The following TAFA5 variants were observed in gnomAD, a reference collection of about 807,000 sequenced individuals.
The protein encoded by TAFA5 is TAFA chemokine like family member 5.
In TAFA5, 6 loss-of-function variants were observed where a neutral mutation model predicts 15.3. The ratio of observed to expected loss-of-function variants is 0.39; its 90% confidence interval spans 0.21 to 0.77. TAFA5 has a LOEUF of 0.77. Ranked by LOEUF, TAFA5 falls within the 30% of genes least tolerant of loss-of-function variation. TAFA5 has a pLI of 0.41. For synonymous variants in TAFA5, 103 were observed against 80.7 expected (o/e 1.28, Z -1.48); for missense variants, 161 against 193.1 (o/e 0.83, Z 0.98).
At chr22:48,492,469 TGGG>T (rs1222349958) in intron 1 of TAFA5, among the ~76,000 whole-genome samples, 10 of 152,208 alleles carry the variant, frequency 6.6e-5, no homozygotes. Context: ...GGTTTTCTGT[TGGG>T]GGGATTCTAC....
At chr22:48,738,166 G>C (rs1013322394) in intron 3 of TAFA5, among the ~76,000 whole-genome samples, 11 of 152,216 alleles carry the variant, frequency 7.2e-5, no homozygotes, top group African/African-American at 2.7e-4. Context: ...GGCAGTGCCT[G>C]CAGAACTGGG....
intron 2 of TAFA5, among the ~76,000 whole-genome samples, chr22:48,676,327 C>A (rs753487473): frequency 4.6e-5 from 7 of 152,192 alleles, no homozygotes; most frequent in Non-Finnish European, 8.8e-5. Flanking sequence ...CCAGGTGAGC[C>A]TTTGAGGGAG....
intron 1 of TAFA5, among the ~76,000 whole-genome samples, chr22:48,575,019 T>G (rs575544513): frequency 6.6e-6 from 1 of 151,806 alleles, no homozygotes; most frequent in Non-Finnish European, 1.5e-5. Flanking sequence ...TGTGAGTGTG[T>G]TTGTGTGTGT....
At chr22:48,604,308 C>T (rs1236992019) in intron 1 of TAFA5, among the ~76,000 whole-genome samples, 1 of 152,178 alleles carries the variant, frequency 6.6e-6, no homozygotes, top group Non-Finnish European at 1.5e-5. Flanking sequence ...CCTTCAGTGC[C>T]CTGGAGTCAT....
At chr22:48,563,659 G>A (rs999179885) in intron 1 of TAFA5, among the ~76,000 whole-genome samples, 3 of 152,178 alleles carry the variant, frequency 2.0e-5, no homozygotes, top group Admixed American at 6.5e-5. Flanking sequence ...CCAACAGGCT[G>A]GGGCATGGCC....
intron 3 of TAFA5, among the ~76,000 whole-genome samples, chr22:48,708,243 G>A (rs964352615): frequency 3.3e-5 from 5 of 152,280 alleles, no homozygotes; most frequent in Admixed American, 2.6e-4. Flanking sequence ...CCCAGGGCAC[G>A]GCGGGGGTTC....
intron 3 of TAFA5, among the ~76,000 whole-genome samples, chr22:48,726,754 C>A (rs1489446510): frequency 6.6e-6 from 1 of 152,228 alleles, no homozygotes; most frequent in Non-Finnish European, 1.5e-5. Context: ...AAATCACAAC[C>A]ACATGCAAAA....
At chr22:48,697,427 GGAA>G (rs1450040111) in intron 2 of TAFA5, among the ~76,000 whole-genome samples, 1 of 149,620 alleles carries the variant, frequency 6.7e-6, no homozygotes, top group African/African-American at 2.5e-5. Context: ...ACAAGGATGA[GGAA>G]GATGATGATG....
chr22:48,639,306 C>A (rs867046509), intron 1 of TAFA5, among the ~76,000 whole-genome samples: 17 of 152,370 alleles, frequency 1.1e-4, no homozygotes, highest in African/African-American at 4.1e-4. Flanking sequence ...CCCTCAGCTG[C>A]ACCTTGTTTT....
intron 1 of TAFA5, among the ~76,000 whole-genome samples, chr22:48,508,661 A>G (rs1041336031): frequency 6.6e-6 from 1 of 152,090 alleles, no homozygotes; most frequent in Admixed American, 6.5e-5. Context: ...CCCACAGCTG[A>G]TATTTTTCTC....
intron 2 of TAFA5, among the ~76,000 whole-genome samples, chr22:48,648,752 C>T (rs1461947750): frequency 2.0e-5 from 3 of 152,072 alleles, no homozygotes; most frequent in Admixed American, 1.3e-4. Context: ...TGTTTGAACC[C>T]GGGAGGCGGA....
At chr22:48,705,792 C>T (rs1409147589) in intron 2 of TAFA5, among the ~76,000 whole-genome samples, 1 of 152,252 alleles carries the variant, frequency 6.6e-6, no homozygotes, top group Non-Finnish European at 1.5e-5. Context: ...CACATGTGTG[C>T]ACACACGTGC....
chr22:48,539,592 G>A (rs534842232), intron 1 of TAFA5: 5 of 425,148 alleles, frequency 1.2e-5, no homozygotes, highest in Admixed American at 2.5e-5. Context: ...GGTGGAAATC[G>A]GGAAGGACGA....
rs1923185928 is a variant in TAFA5, at chr22:48,560,332, T to A, written c.112+70628T>A. ...CCACTGCACTGGTGTGGCCCTGGCA[T>A]TCATATGGCCCCAGCAGGCCCCCCA... On this transcript the variant is annotated intron_variant, in intron 1 of 3. Coordinates refer to ENST00000402357, the MANE Select transcript of TAFA5 (RefSeq NM_001082967.3). This position sits in a 1 kb window ranked among gnomAD's most constrained non-coding sequence, Gnocchi z 4.2. Among the ~76,000 whole-genome samples the A allele has an allele frequency of 6.6e-6, 1 of 152,176 alleles. No individual in the cohort carries two copies. Among genetic ancestry groups the A allele is most frequent in the Non-Finnish European group, 1.5e-5 (1 of 68,024 alleles).
At position 48,621,407 on chromosome 22, in the gene TAFA5, A is replaced by G. The variant is rs527741256; in HGVS notation, c.113-25190A>G. The stretch of plus-strand genomic sequence containing the variant: ...CATTCTTGTGTTGGGTGCTCCATCC[A>G]TGGCATCAGCAGATATGCCCAGGGC... On this transcript the variant is annotated intron_variant, in intron 1 of 3. Transcript: ENST00000402357. Among the ~76,000 whole-genome samples, 370 of 151,812 alleles carry G rather than the reference A, an allele frequency of 2.4e-3. 2 individuals carry two copies. The highest frequency in any genetic ancestry group is 8.5e-3 in the African/African-American group (353 of 41,400).
Position 48,693,353 on chromosome 22 carries a change from C to T in TAFA5, c.263-14364C>T, listed in dbSNP as rs200581207. 7,431 of 1,612,442 alleles carry T rather than the reference C, an allele frequency of 4.6e-3. 30 individuals are homozygous for T. Among genetic ancestry groups the T allele is most frequent in the Non-Finnish European group, 5.9e-3 (6,938 of 1,179,746 alleles). ...GAAAAACCAGGAAAGCACAAACACC[C>T]GAAATGTACCACCACCGGGAATGGC... On this transcript the variant is annotated intron_variant, in intron 2 of 3. Coordinates refer to ENST00000402357, the MANE Select transcript of TAFA5 (RefSeq NM_001082967.3).
chr22:48,546,263 G>A (rs1272004890), intron 1 of TAFA5, among the ~76,000 whole-genome samples: 2 of 152,248 alleles, frequency 1.3e-5, no homozygotes, highest in African/African-American at 2.4e-5. Flanking sequence ...CCCAGCAGCT[G>A]AGGCTCCCAT....
chr22:48,664,069 G>C (rs529479728), intron 2 of TAFA5, among the ~76,000 whole-genome samples: 1 of 152,312 alleles, frequency 6.6e-6, no homozygotes, highest in African/African-American at 2.4e-5. Flanking sequence ...CTTTGCTGTT[G>C]CACCCCAGAC....
intron 1 of TAFA5, among the ~76,000 whole-genome samples, chr22:48,591,428 C>T (rs939699160): frequency 6.6e-6 from 1 of 152,246 alleles, no homozygotes; most frequent in East Asian, 1.9e-4. Context: ...TGCGTCTGAC[C>T]CCCAGGGCTT....
Sources: gnomAD v4.1 joint callset for allele counts (sites outside exome capture counted in the v4.1 genomes callset) on GRCh38, gnomAD v4.1.1 for gene constraint, Gnocchi (gnomAD v3.1) non-coding constraint, MANE v1.5 for transcripts, NCBI Gene and HGNC (gene_info 2026-07-23, HGNC 2026-07-21) for gene names.